Variants in PTPRR observed in about 807,000 individuals in gnomAD.
PTPRR encodes the protein receptor-type tyrosine-protein phosphatase R.
A neutral mutation model predicts 77.2 loss-of-function variants in PTPRR; 38 were observed. The ratio of observed to expected loss-of-function variants is 0.49; its 90% CI spans 0.38 to 0.65. PTPRR has a LOEUF of 0.65. Among genes scored for constraint, PTPRR ranks in the 30% least tolerant of loss-of-function variants. The pLI, the probability that PTPRR is intolerant of heterozygous loss-of-function variation, is 0.00. For synonymous variants in PTPRR, 299 were observed against 283.1 expected (o/e 1.06, Z -0.57); for missense variants, 744 against 799.2 (o/e 0.93, Z 0.83).
chr12:70,807,888 G>A (rs1891738870), intron 2 of PTPRR, among the ~76,000 whole-genome samples: 1 of 152,072 alleles, frequency 6.6e-6, no homozygotes, highest in Admixed American at 6.6e-5. Context: ...ATCAAATCTG[G>A]GCACCTTAAG....
At chr12:70,804,139 CTGTGTGTGTGTGTG>C (rs58442488) in intron 2 of PTPRR, among the ~76,000 whole-genome samples, 11 of 137,252 alleles carry the variant, frequency 8.0e-5, no homozygotes, top group Non-Finnish European at 1.6e-4. Context: ...GTTCCTGGCT[CTGTGTGTGTGTGTG>C]TGTGTGTGTG....
chr12:70,771,505 C>T (rs1890976612), intron 2 of PTPRR, among the ~76,000 whole-genome samples: 1 of 152,010 alleles, frequency 6.6e-6, no homozygotes, highest in Non-Finnish European at 1.5e-5. Context: ...ATCCAGTGTT[C>T]CCATGTCGCA....
intron 5 of PTPRR, among the ~76,000 whole-genome samples, chr12:70,750,806 T>G (rs1349244990): frequency 6.6e-6 from 1 of 152,168 alleles, no homozygotes; most frequent in African/African-American, 2.4e-5. Context: ...CATAGCTCAC[T>G]GTAGCCTCAA....
chr12:70,750,309 T>C (rs1890350533), intron 5 of PTPRR, among the ~76,000 whole-genome samples: 1 of 152,222 alleles, frequency 6.6e-6, no homozygotes, highest in Non-Finnish European at 1.5e-5. Context: ...TTCTACGGCA[T>C]GTAGGAATGC....
At chr12:70,910,924 T>TA (rs1307228273) in intron 1 of PTPRR, among the ~76,000 whole-genome samples, 3 of 152,182 alleles carry the variant, frequency 2.0e-5, no homozygotes, top group African/African-American at 7.2e-5. Flanking sequence ...AAAGTTTCTA[T>TA]AACTGAATTC....
intron 2 of PTPRR, among the ~76,000 whole-genome samples, chr12:70,765,705 C>T (rs926791619): frequency 1.3e-5 from 2 of 152,184 alleles, no homozygotes; most frequent in Admixed American, 6.5e-5. Context: ...GGTAGACTGC[C>T]TCCTCAAGTG....
rs1334963320 is a variant in PTPRR at position 70,729,346 on chromosome 12, ATC to A, written c.1007+16470_1007+16471del. 2.0e-3 allele frequency among the ~76,000 whole-genome samples: 303 copies of A among 151,366 alleles called. 1 individual carries two copies. Among genetic ancestry groups the A allele is most frequent in the African/African-American group, 7.1e-3 (289 of 40,906 alleles). On this transcript the variant is annotated intron_variant, in intron 6 of 13. Coordinates refer to ENST00000283228, the MANE Select transcript of PTPRR (RefSeq NM_002849.4). ...TATCTGTCTATCTATCTATCTATCT[ATC>A]TATCTATCTATCTATCTGAGTATCA...
intron 4 of PTPRR, 29 bp downstream of exon 4, chr12:70,761,442 T>C: frequency 1.3e-6 from 2 of 1,523,422 alleles, no homozygotes; most frequent in Non-Finnish European, 1.8e-6. Context: ...TTCACATTTT[T>C]AAATGAATTG....
At chr12:70,704,776 G>GA (rs1332186429) in intron 6 of PTPRR, among the ~76,000 whole-genome samples, 1 of 151,466 alleles carries the variant, frequency 6.6e-6, no homozygotes, top group Non-Finnish European at 1.5e-5. Flanking sequence ...ACAGAATTTA[G>GA]AAAAAAAATC....
intron 13 of PTPRR, among the ~76,000 whole-genome samples, chr12:70,653,448 G>A (rs1886467533): frequency 6.6e-6 from 1 of 152,120 alleles, no homozygotes; most frequent in South Asian, 2.1e-4. Flanking sequence ...TTACATGTGG[G>A]GTGTGGTAAG....
intron 8 of PTPRR, among the ~76,000 whole-genome samples, chr12:70,695,889 T>C (rs1443686435): frequency 6.6e-6 from 1 of 152,174 alleles, no homozygotes; most frequent in African/African-American, 2.4e-5. Context: ...AAATATGTTA[T>C]AGTTTAACAA....
chr12:70,672,923 G>A, intron 10 of PTPRR: 1 of 1,503,948 alleles, frequency 6.6e-7, no homozygotes, highest in Non-Finnish European at 9.0e-7. Context: ...GCTTAGCCCA[G>A]GGAAATGTCG....
intron 3 of PTPRR, among the ~76,000 whole-genome samples, chr12:70,762,605 A>G (rs1397533025): frequency 6.6e-6 from 1 of 152,244 alleles, no homozygotes; most frequent in Non-Finnish European, 1.5e-5. Context: ...ACCCAATAAC[A>G]ACTACTGTAG....
intron 2 of PTPRR, among the ~76,000 whole-genome samples, chr12:70,799,545 TG>T (rs770797830): frequency 1.8e-4 from 28 of 152,186 alleles, no homozygotes; most frequent in Non-Finnish European, 2.5e-4. Flanking sequence ...TCATTAAAGA[TG>T]TTACAGCACT....
At chr12:70,733,132 G>T (rs73132548) in intron 6 of PTPRR, among the ~76,000 whole-genome samples, 1 of 151,906 alleles carries the variant, frequency 6.6e-6, no homozygotes, top group South Asian at 2.1e-4. Flanking sequence ...GGAAAAAAAG[G>T]TTTCCTTAAA....
At chr12:70,763,790 A>G (rs1396348540) in intron 3 of PTPRR, among the ~76,000 whole-genome samples, 2 of 152,196 alleles carry the variant, frequency 1.3e-5, no homozygotes, top group Non-Finnish European at 2.9e-5. Context: ...CTTTTCACAT[A>G]AAACTGAGGT....
chr12:70,642,399 T>C (rs902588847), intron 13 of PTPRR, among the ~76,000 whole-genome samples: 2 of 152,200 alleles, frequency 1.3e-5, no homozygotes, highest in African/African-American at 4.8e-5. Flanking sequence ...CGTCAATATA[T>C]TAGTCTTCCA....
rs1888342381 is a variant in PTPRR at position 70,699,412 on chromosome 12, G to A, written c.1195-1063C>T. ...AAGCTGGACTATACTATGAATTTGA[G>A]GCTTGTTCTACAGAGAGAAACAGCT... On this transcript the variant is annotated intron_variant, in intron 7 of 13. Coordinates refer to ENST00000283228, the MANE Select transcript of PTPRR (RefSeq NM_002849.4). Among the ~76,000 whole-genome samples, 4 of 152,150 alleles carry A rather than the reference G, an allele frequency of 2.6e-5. No individual in the cohort carries two copies. The South Asian group carries it at 6.2e-4, about 24-fold the overall frequency.
At chr12:70,677,237 C>A (rs927361068) in intron 10 of PTPRR, among the ~76,000 whole-genome samples, 1 of 152,140 alleles carries the variant, frequency 6.6e-6, no homozygotes, top group Admixed American at 6.5e-5. Context: ...TTAGCATATA[C>A]AAATGCTACT....
Sources: gnomAD v4.1 joint callset for allele counts (sites outside exome capture counted in the v4.1 genomes callset) on GRCh38, gnomAD v4.1.1 for gene constraint, MANE v1.5 for transcripts, NCBI Gene and HGNC (gene_info 2026-07-23, HGNC 2026-07-21) for gene names.